CFAP92: variants seen among roughly 807,000 people sequenced by gnomAD.
CFAP92 encodes the protein cilia and flagella associated protein 92 (putative).
Under a neutral mutation model 106.3 loss-of-function variants are expected in CFAP92, and 86 were observed. The ratio of observed to expected loss-of-function variants is 0.81; its 90% CI spans 0.68 to 0.97. CFAP92 has a LOEUF of 0.97. CFAP92 is among the 50% of genes least tolerant of loss of function. The pLI is 0.00. For missense variants in CFAP92, 1,204 were observed against 1,283.8 expected, an observed-to-expected ratio of 0.94 and a Z score of 0.95; for synonymous variants, 477 against 506.4, an observed-to-expected ratio of 0.94 and a Z score of 0.78.
At chr3:128,987,278 T>C (rs1209287247) in intron 4 of CFAP92, among the ~76,000 whole-genome samples, 1 of 152,202 alleles carries the variant, frequency 6.6e-6, no homozygotes, top group Non-Finnish European at 1.5e-5. Context: ...GTTTTCTCTT[T>C]TGTTCCTTGG....
At chr3:129,024,215 C>T in the CFAP92 span, among the ~76,000 whole-genome samples, 1 of 152,118 alleles carries the variant, frequency 6.6e-6, no homozygotes. Flanking sequence ...CAGAATACCA[C>T]AGACTGGGTA....
In CFAP92 at chr3:128,910,271, G is replaced by C. The variant is rs201184317; in HGVS notation, c.*28C>G. 7.0e-4 allele frequency: 1,073 copies of C among 1,535,334 alleles called. 6 individuals carry two copies. Among genetic ancestry groups the C allele is most frequent in the East Asian group, 2.6e-4 (11 of 41,838 alleles). ...GGGGGAGGCTGTGCAGGTTCACCATGCGGTGGCCGTGGGAGGGTCTGTGCT... is the reference window on the plus strand; with the variant it reads ...GGGGGAGGCTGTGCAGGTTCACCATCCGGTGGCCGTGGGAGGGTCTGTGCT... On this transcript the variant is annotated 3_prime_UTR_variant, in exon 16 of 16. Transcript: ENST00000645291.
At position 128,945,972 on chromosome 3, in the gene CFAP92, G is replaced by C; in HGVS notation, c.1357C>G (p.Leu453Val). 1 of 1,428,846 alleles carries C rather than the reference G, an allele frequency of 7.0e-7. No homozygotes were observed. The highest frequency in any genetic ancestry group is 9.1e-7 in the Non-Finnish European group (1 of 1,097,316). The allele number at this position is 1,428,846 out of a possible 1,614,324, so 88.5% of individuals were successfully genotyped here. ...QPVPIQELER[L>V]CMPVYCKYQF... ...TACTTGCAGTACACAGGCATGCACA[G>C]CCTCTACGAGAGAGCAGGGCCACAG... Residue 453 changes from leucine to valine, a missense_variant, in exon 10 of 16, where the codon CTG becomes GTG. Leu to Val is a conservative substitution (Grantham distance 32). Coordinates refer to ENST00000645291, the MANE Select transcript of CFAP92 (RefSeq NM_001394090.1).
the CFAP92 span, among the ~76,000 whole-genome samples, chr3:129,019,257 G>A: frequency 6.6e-6 from 1 of 152,190 alleles, no homozygotes; most frequent in Non-Finnish European, 1.5e-5. Flanking sequence ...TGTTTTAATT[G>A]TATCTTTTAG....
At chr3:129,000,998 C>T (rs1049397110) in intron 1 of CFAP92, among the ~76,000 whole-genome samples, 1 of 152,216 alleles carries the variant, frequency 6.6e-6, no homozygotes, top group Non-Finnish European at 1.5e-5. Flanking sequence ...GAAGTGGGTT[C>T]GGAAACCCAG....
chr3:128,971,153 C>A, intron 8 of CFAP92, 134 bp downstream of exon 8: 1 of 1,435,224 alleles, frequency 7.0e-7, no homozygotes, highest in East Asian at 2.4e-5. Context: ...GCCAATTCCC[C>A]TGAGTTTCCT....
In CFAP92 at chr3:128,915,368, CTT is replaced by C; in HGVS notation, c.3110_3111del (p.Lys1037ArgfsTer4). 5 of 1,536,132 alleles carry C rather than the reference CTT, an allele frequency of 3.3e-6. No individual in the cohort carries two copies. Among genetic ancestry groups the C allele is most frequent in the Non-Finnish European group, 3.5e-6 (4 of 1,146,912 alleles). ...TCTTCCCTGTGGACCTCATTCAGCTCTTTGATGGGTGGCAGCTTGAGATCCTG... is the reference window on the plus strand; with the variant it reads ...TCTTCCCTGTGGACCTCATTCAGCTCTGATGGGTGGCAGCTTGAGATCCTG... ...SFQDLKLPPI[K>X]ELNEEWKENS... is the part of the protein sequence containing the mutation. On this transcript the variant is annotated frameshift_variant, in exon 14 of 16. Coordinates refer to ENST00000645291, the MANE Select transcript of CFAP92 (RefSeq NM_001394090.1). LOFTEE classifies it high-confidence loss of function.
intron 12 of CFAP92, among the ~76,000 whole-genome samples, chr3:128,924,433 T>TTC (rs1937527589): frequency 4.9e-5 from 1 of 20,480 alleles, no homozygotes; most frequent in South Asian, 1.8e-3. Flanking sequence ...CGATTGTATC[T>TTC]TTTTTTTTTT....
rs755595742 is a variant in CFAP92, at chr3:128,912,796, C to T, written c.3280+2323G>A. On this transcript the variant is annotated intron_variant, in intron 15 of 15. Transcript: ENST00000645291. Reference sequence around the variant, plus strand: ...GGTTTTGACCTGCAGGCAGTGCTCTCTAACAGGACCATCACAGCTTCTGAA... The same window carrying T: ...GGTTTTGACCTGCAGGCAGTGCTCTTTAACAGGACCATCACAGCTTCTGAA... 48 of 733,458 alleles carry T rather than the reference C, an allele frequency of 6.5e-5. 2 individuals are homozygous for T. The highest frequency in any genetic ancestry group is 5.2e-4 in the South Asian group (38 of 73,500). 45.4% of individuals were successfully genotyped at this position (733,458 alleles called of 1,614,324 possible). A position where few individuals can be genotyped will look rare whatever the true frequency, so the allele number is the denominator to read the frequency against.
At chr3:129,013,222 T>C in the CFAP92 span, among the ~76,000 whole-genome samples, 1 of 152,122 alleles carries the variant, frequency 6.6e-6, no homozygotes, top group Admixed American at 6.5e-5. Context: ...GCCTTGGATA[T>C]AGACAGTCAA....
At chr3:128,936,349 G>T (rs1939020215) in intron 10 of CFAP92, among the ~76,000 whole-genome samples, 1 of 152,120 alleles carries the variant, frequency 6.6e-6, no homozygotes, top group Non-Finnish European at 1.5e-5. Context: ...TGATTCACAG[G>T]ACTTTAAAAA....
At position 128,910,206 on chromosome 3, in the gene CFAP92, T is replaced by A; in HGVS notation, c.*93A>T. On this transcript the variant is annotated 3_prime_UTR_variant, in exon 16 of 16. Coordinates refer to ENST00000645291, the MANE Select transcript of CFAP92 (RefSeq NM_001394090.1). ...GCTGCTGCCATCTGTCCTGCTGCAC[T>A]TTAATGAAGTTGATTGTTGAGGAGG... The A allele has an allele frequency of 6.2e-7, 1 of 1,611,352 alleles. No homozygotes were observed. The highest frequency in any genetic ancestry group is 8.5e-7 in the Non-Finnish European group (1 of 1,179,416).
chr3:128,979,943 TA>T (rs1943411217), intron 4 of CFAP92, among the ~76,000 whole-genome samples: 1 of 64,420 alleles, frequency 1.6e-5, no homozygotes. Flanking sequence ...ACTTAAAGTA[TA>T]ATAATATATA....
intron 11 of CFAP92, among the ~76,000 whole-genome samples, chr3:128,933,417 G>C (rs1938623429): frequency 6.6e-6 from 1 of 152,186 alleles, no homozygotes; most frequent in Non-Finnish European, 1.5e-5. Flanking sequence ...GCTGGAGAGA[G>C]AGTCCTCAGC....
At chr3:128,997,344 CCATTT>C (rs1198060858), upstream of CFAP92, among the ~76,000 whole-genome samples, 1 of 152,214 alleles carries the variant, frequency 6.6e-6, no homozygotes, top group East Asian at 1.9e-4. Flanking sequence ...TAAAATCCAT[CCATTT>C]CAAGCGTAGA....
Position 128,987,797 on chromosome 3 carries a change from G to C in CFAP92, c.486C>G (p.Ala162=). Reference sequence around the variant, plus strand: ...TAAAAGTCTGCTCCCACGACACCCAGGCTTTGTCACCTTCGTGCCACGGCT... The same window carrying C: ...TAAAAGTCTGCTCCCACGACACCCACGCTTTGTCACCTTCGTGCCACGGCT... ...TVKPWHEGDK[A]WVSWEQTFNI... Residue 162 remains alanine, a synonymous_variant, in exon 4 of 16, where the codon GCC becomes GCG. Transcript: ENST00000645291. The C allele has an allele frequency of 6.2e-7, 1 of 1,612,870 alleles. No homozygotes were observed. Among genetic ancestry groups the C allele is most frequent in the Non-Finnish European group, 8.5e-7 (1 of 1,179,322 alleles).
At chr3:128,971,471 G>T in intron 7 of CFAP92, 38 bp from the exon 8 acceptor site, 2 of 1,488,664 alleles carry the variant, frequency 1.3e-6, no homozygotes, top group East Asian at 4.7e-5. Context: ...ATTAAGAGGA[G>T]ACTGTATCTG....
the CFAP92 span, among the ~76,000 whole-genome samples, chr3:129,021,641 A>T: frequency 6.6e-6 from 1 of 152,232 alleles, no homozygotes; most frequent in African/African-American, 2.4e-5. Context: ...CTGCGCGGGT[A>T]TCTGTCTATT....
intron 15 of CFAP92, chr3:128,912,614 G>A (rs752239378): frequency 1.1e-5 from 18 of 1,612,952 alleles, no homozygotes; most frequent in Non-Finnish European, 1.5e-5. Context: ...CTGAGGCAGG[G>A]GACAGTGTCC....
Sources: allele counts gnomAD v4.1 joint callset (sites outside exome capture counted in the v4.1 genomes callset), GRCh38; gene constraint gnomAD v4.1.1; transcripts MANE v1.5; gene names NCBI Gene and HGNC (gene_info 2026-07-23, HGNC 2026-07-21).